Variants in PARD3B observed in about 807,000 individuals in gnomAD.
The protein encoded by PARD3B is partitioning defective 3 homolog B.
PARD3B carries 103 observed loss-of-function variants against 130.2 expected under a neutral mutation model. The observed-to-expected ratio is 0.79, with a 90% CI of 0.67 to 0.93. The LOEUF is 0.93. Ranked by LOEUF, PARD3B falls within the 40% of genes least tolerant of loss-of-function variation. The probability of loss-of-function intolerance (pLI) is 0.00; values close to 1 mark genes in which losing one functional copy is unlikely to be tolerated. For missense variants in PARD3B, 1,609 were observed against 1,499.2 expected, an observed-to-expected ratio of 1.07 and a Z score of -1.21; for synonymous variants, 583 against 553.2, an observed-to-expected ratio of 1.05 and a Z score of -0.76.
intron 4 of PARD3B, among the ~76,000 whole-genome samples, chr2:205,104,194 A>G (rs1464658262): frequency 6.6e-6 from 1 of 152,206 alleles, no homozygotes; most frequent in Non-Finnish European, 1.5e-5. Context: ...AAAGCTCTTA[A>G]CATATTGCAT....
chr2:205,520,392 C>T (rs2050988551), intron 21 of PARD3B, among the ~76,000 whole-genome samples: 2 of 152,112 alleles, frequency 1.3e-5, no homozygotes, highest in Non-Finnish European at 2.9e-5. Flanking sequence ...GCTCCTTCAT[C>T]AGTCTAAGGG....
intron 3 of PARD3B, among the ~76,000 whole-genome samples, chr2:205,031,755 A>C (rs1697442861): frequency 1.3e-5 from 2 of 152,180 alleles, no homozygotes; most frequent in Non-Finnish European, 1.5e-5. Flanking sequence ...CTAGATCAAA[A>C]AGGTATTACC....
intron 20 of PARD3B, among the ~76,000 whole-genome samples, chr2:205,480,549 A>G (rs2049193268): frequency 6.6e-6 from 1 of 152,148 alleles, no homozygotes; most frequent in Non-Finnish European, 1.5e-5. Context: ...TATTCCTCCT[A>G]TATCCCCAGG....
intron 19 of PARD3B, among the ~76,000 whole-genome samples, chr2:205,414,269 T>TTA (rs2046700571): frequency 6.6e-6 from 1 of 152,206 alleles, no homozygotes; most frequent in Non-Finnish European, 1.5e-5. Flanking sequence ...TCTCCTGCAA[T>TTA]TACATGTCTT....
intron 2 of PARD3B, among the ~76,000 whole-genome samples, chr2:204,703,851 T>C (rs2125282321): frequency 6.6e-6 from 1 of 152,278 alleles, no homozygotes; most frequent in Middle Eastern, 3.4e-3. Flanking sequence ...GTAAATTAGA[T>C]GCCACAATGT....
At position 205,122,053 on chromosome 2, in the gene PARD3B, T is replaced by C; in HGVS notation, c.1165+104T>C. 1.0e-6 allele frequency: 1 copy of C among 977,500 alleles called. No homozygotes were observed. The highest frequency in any genetic ancestry group is 1.5e-6 in the Non-Finnish European group (1 of 676,328). 60.6% of individuals were successfully genotyped at this position (977,500 alleles called of 1,614,324 possible). ...TTTAGTTAATTCTCCCTTCATTTAA[T>C]TGTATCAAAGAATAGATTTAAGTGT... On this transcript the variant is annotated intron_variant, in intron 8 of 22. Transcript: ENST00000406610. This position sits in a 1 kb window ranked among gnomAD's most constrained non-coding sequence, Gnocchi z 4.3.
intron 1 of PARD3B, among the ~76,000 whole-genome samples, chr2:204,560,336 G>A (rs889842265): frequency 2.0e-5 from 3 of 152,146 alleles, no homozygotes; most frequent in Admixed American, 1.3e-4. Context: ...GGTCAGTATT[G>A]TGTTTTTTGC....
intron 3 of PARD3B, among the ~76,000 whole-genome samples, chr2:204,978,382 C>T (rs1358866841): frequency 6.6e-6 from 1 of 152,114 alleles, no homozygotes; most frequent in Non-Finnish European, 1.5e-5. Flanking sequence ...TGCAGTTTTT[C>T]CCTCAAGGTG....
chr2:205,354,841 G>A (rs569186372), intron 18 of PARD3B, among the ~76,000 whole-genome samples: 3 of 151,976 alleles, frequency 2.0e-5, no homozygotes, highest in South Asian at 2.1e-4. Flanking sequence ...TAAACCTTAT[G>A]CAGGTTGTTA....
chr2:204,638,293 T>G (rs933617587), intron 1 of PARD3B, among the ~76,000 whole-genome samples: 1 of 152,204 alleles, frequency 6.6e-6, no homozygotes, highest in Admixed American at 6.5e-5. Flanking sequence ...TTAAAGAGCC[T>G]GAATTGCTTA....
rs1443989603 is a variant in PARD3B at position 204,887,047 on chromosome 2, T to C, written c.223-78105T>C. Reference sequence around the variant, plus strand: ...CAGAAAACCCTTTGAGGCATTTTTTTAAATCAGTTTTTTTTAATCAGCTTT... The same window carrying C: ...CAGAAAACCCTTTGAGGCATTTTTTCAAATCAGTTTTTTTTAATCAGCTTT... On this transcript the variant is annotated intron_variant, in intron 2 of 22. Transcript: ENST00000406610. The surrounding 1 kb of genome is among the most constrained non-coding windows in gnomAD (Gnocchi z 4.2). Among the ~76,000 whole-genome samples the C allele has an allele frequency of 6.6e-6, 1 of 152,250 alleles. No homozygotes were observed. Among genetic ancestry groups the C allele is most frequent in the Non-Finnish European group, 1.5e-5 (1 of 68,040 alleles).
intron 1 of PARD3B, among the ~76,000 whole-genome samples, chr2:204,572,738 A>G (rs1032897987): frequency 6.6e-6 from 1 of 152,164 alleles, no homozygotes; most frequent in African/African-American, 2.4e-5. Flanking sequence ...AAAAATCAGA[A>G]AGCTAACTAT....
chr2:204,707,594 C>T (rs183627116), intron 2 of PARD3B, among the ~76,000 whole-genome samples: 5 of 152,204 alleles, frequency 3.3e-5, no homozygotes, highest in Non-Finnish European at 7.4e-5. Context: ...TCTTTCATGA[C>T]TAAATAAATG....
intron 20 of PARD3B, among the ~76,000 whole-genome samples, chr2:205,499,096 C>A (rs1251258982): frequency 6.6e-6 from 1 of 152,160 alleles, no homozygotes; most frequent in East Asian, 1.9e-4. Context: ...GCCTGTCATT[C>A]TTTTGCTCCC....
rs1197321126 is a variant in PARD3B at position 204,675,551 on chromosome 2, T to G, written c.121-10630T>G. Among the ~76,000 whole-genome samples the G allele has an allele frequency of 6.6e-6, 1 of 152,098 alleles. No homozygotes were observed. Among genetic ancestry groups the G allele is most frequent in the Admixed American group, 6.5e-5 (1 of 15,272 alleles). ...TGTAGACAGTACATTTGGAAATAAT[T>G]AAAATTTGTTCTTTATTAAAAAAAA... On this transcript the variant is annotated intron_variant, in intron 1 of 22. Transcript: ENST00000406610. This position sits in a 1 kb window ranked among gnomAD's most constrained non-coding sequence, Gnocchi z 4.4.
chr2:204,646,129 T>C (rs2035262459), intron 1 of PARD3B, among the ~76,000 whole-genome samples: 1 of 152,114 alleles, frequency 6.6e-6, no homozygotes, highest in African/African-American at 2.4e-5. Flanking sequence ...GCATAAAGCA[T>C]ATATACTTTA....
intron 10 of PARD3B, among the ~76,000 whole-genome samples, chr2:205,144,387 G>A (rs1176449284): frequency 1.3e-5 from 2 of 152,182 alleles, no homozygotes; most frequent in African/African-American, 4.8e-5. Flanking sequence ...GGGATGATTT[G>A]TTATGCAGCA....
intron 18 of PARD3B, among the ~76,000 whole-genome samples, chr2:205,308,873 C>G (rs913986974): frequency 1.1e-4 from 16 of 152,088 alleles, no homozygotes; most frequent in African/African-American, 3.9e-4. Flanking sequence ...ATAATTGATA[C>G]GATTCCAAAT....
intron 1 of PARD3B, among the ~76,000 whole-genome samples, chr2:204,588,072 G>A (rs2032910593): frequency 1.3e-5 from 2 of 152,054 alleles, no homozygotes; most frequent in Non-Finnish European, 2.9e-5. Context: ...CGTGAGGGAG[G>A]GCGTGCATTA....
Sources: gnomAD v4.1 joint callset for allele counts (sites outside exome capture counted in the v4.1 genomes callset) on GRCh38, gnomAD v4.1.1 for gene constraint, Gnocchi (gnomAD v3.1) non-coding constraint, MANE v1.5 for transcripts, NCBI Gene and HGNC (gene_info 2026-07-23, HGNC 2026-07-21) for gene names.